The following CBFB variants were observed in gnomAD, a reference collection of about 807,000 sequenced individuals.
CBFB encodes core-binding factor subunit beta.
In CBFB, 9 loss-of-function variants were observed where a neutral mutation model predicts 30.4. The ratio of observed to expected loss-of-function variants is 0.30; its 90% CI spans 0.18 to 0.52. The LOEUF (loss-of-function observed/expected upper bound fraction) is 0.52, where lower values mean the gene tolerates loss of function less well. CBFB is among the 20% of genes least tolerant of loss of function. The probability of loss-of-function intolerance (pLI) is 0.97; values close to 1 mark genes in which losing one functional copy is unlikely to be tolerated. For missense variants in CBFB, 170 were observed against 244.0 expected, an observed-to-expected ratio of 0.70 and a Z score of 2.02; for synonymous variants, 94 against 84.0, an observed-to-expected ratio of 1.12 and a Z score of -0.65.
At chr16:67,071,938 C>G (rs918118790) in intron 4 of CBFB, among the ~76,000 whole-genome samples, 2 of 152,276 alleles carry the variant, frequency 1.3e-5, no homozygotes, top group East Asian at 3.9e-4. Flanking sequence ...CCATCTCTAG[C>G]GAGTGAGCCG....
intron 3 of CBFB, among the ~76,000 whole-genome samples, chr16:67,054,160 T>G (rs1960645564): frequency 6.6e-6 from 1 of 152,070 alleles, no homozygotes; most frequent in Admixed American, 6.6e-5. Flanking sequence ...TCTTTTTCAG[T>G]TTTTCTGTCT....
chr16:67,050,201 G>A (rs981082672), intron 3 of CBFB, among the ~76,000 whole-genome samples: 1 of 146,258 alleles, frequency 6.8e-6, no homozygotes, highest in Non-Finnish European at 1.5e-5. Flanking sequence ...TATAATATAT[G>A]TTATATATAT....
chr16:67,034,076 T>C (rs1455326627), intron 2 of CBFB, among the ~76,000 whole-genome samples: 1 of 152,132 alleles, frequency 6.6e-6, no homozygotes, highest in Non-Finnish European at 1.5e-5. Flanking sequence ...GATCTGCCTG[T>C]GTTGGCCTCC....
chr16:67,031,615 A>AT (rs765396435), intron 2 of CBFB, among the ~76,000 whole-genome samples: 2 of 152,176 alleles, frequency 1.3e-5, no homozygotes, highest in Non-Finnish European at 2.9e-5. Context: ...GGTTAAAGCG[A>AT]TTCTCCTGCC....
At chr16:67,096,200 T>C (rs1962041089) in intron 5 of CBFB, among the ~76,000 whole-genome samples, 1 of 151,832 alleles carries the variant, frequency 6.6e-6, no homozygotes, top group African/African-American at 2.4e-5. Flanking sequence ...TTCTCCCAGC[T>C]GCTTGGGAGG....
At chr16:67,047,047 C>T (rs752329367) in intron 3 of CBFB, among the ~76,000 whole-genome samples, 1 of 151,924 alleles carries the variant, frequency 6.6e-6, no homozygotes, top group Non-Finnish European at 1.5e-5. Flanking sequence ...CGCAGTAGCT[C>T]ATACCTGTAA....
chr16:67,054,534 A>G (rs1415067977), intron 3 of CBFB, among the ~76,000 whole-genome samples: 1 of 151,966 alleles, frequency 6.6e-6, no homozygotes, highest in African/African-American at 2.4e-5. Context: ...TCGTAAGGAA[A>G]TTTTCTTATA....
intron 3 of CBFB, among the ~76,000 whole-genome samples, chr16:67,056,701 A>G (rs967361846): frequency 5.1e-4 from 70 of 138,508 alleles, no homozygotes; most frequent in Admixed American, 1.3e-3. Flanking sequence ...TTTTTTTTTT[A>G]AGACAGAGTC....
intron 4 of CBFB, among the ~76,000 whole-genome samples, chr16:67,067,369 T>C (rs1961090543): frequency 6.6e-6 from 1 of 151,886 alleles, no homozygotes; most frequent in South Asian, 2.1e-4. Context: ...AATATAAAAA[T>C]TAGCCAGGCA....
chr16:67,085,869 G>A (rs941703614), intron 5 of CBFB, among the ~76,000 whole-genome samples: 7 of 151,668 alleles, frequency 4.6e-5, no homozygotes, highest in African/African-American at 7.3e-5. Context: ...TAGTAGAGAC[G>A]GGGTTTCACC....
At chr16:67,089,258 A>G (rs997770160) in intron 5 of CBFB, among the ~76,000 whole-genome samples, 3 of 152,082 alleles carry the variant, frequency 2.0e-5, no homozygotes, top group African/African-American at 7.2e-5. Flanking sequence ...ACTGTGTATA[A>G]TATCTTACTC....
rs534644060 is a variant in CBFB at position 67,036,412 on chromosome 16, A to G, written c.166-227A>G. On this transcript the variant is annotated intron_variant, in intron 2 of 5. Transcript: ENST00000412916. Reference sequence around the variant, plus strand: ...TGACCTGAAAGAAAGTATTGATTCCATGTCTGATTTTATACTTAAGCAGCC... The same window carrying G: ...TGACCTGAAAGAAAGTATTGATTCCGTGTCTGATTTTATACTTAAGCAGCC... 44 of 464,624 alleles carry G rather than the reference A, an allele frequency of 9.5e-5. 1 individual carries two copies. The highest frequency in any genetic ancestry group is 1.4e-4 in the Non-Finnish European group (37 of 259,920). 28.8% of individuals were successfully genotyped at this position (464,624 alleles called of 1,614,324 possible).
chr16:67,044,225 C>A (rs1036113495), intron 3 of CBFB, among the ~76,000 whole-genome samples: 6 of 152,110 alleles, frequency 3.9e-5, no homozygotes, highest in Non-Finnish European at 1.5e-5. Context: ...GATGTACTTA[C>A]TTTGCGATCC....
rs144661263 is a variant in CBFB at position 67,066,656 on chromosome 16, T to A, written c.283-26T>A. The A allele has an allele frequency of 3.9e-5, 49 of 1,258,986 alleles. No individual in the cohort carries two copies. In the East Asian group the frequency reaches 1.1e-3, roughly 29 times the overall value. 78.0% of individuals were successfully genotyped at this position (1,258,986 alleles called of 1,614,324 possible). On this transcript the variant is annotated intron_variant, in intron 3 of 5. Transcript: ENST00000412916. The stretch of plus-strand genomic sequence containing the variant: ...TTTCATGTGTCTGATGGTTTTCAAT[T>A]ATTTTCATCCTTTTCTGTGTCTTAG...
chr16:67,082,593 C>CT (rs796567817), intron 5 of CBFB, among the ~76,000 whole-genome samples: 1 of 152,014 alleles, frequency 6.6e-6, no homozygotes, highest in Non-Finnish European at 1.5e-5. Context: ...AATCTCACCT[C>CT]TTTTTTTCTT....
chr16:67,055,357 C>CTTTCTTTTTTTTTTTT (rs1484285498), intron 3 of CBFB, among the ~76,000 whole-genome samples: 16 of 81,466 alleles, frequency 2.0e-4, no homozygotes, highest in African/African-American at 8.7e-4. Context: ...CAGACACTTT[C>CTTTCTTTTTTTTTTTT]TTTTTTTTTT....
At chr16:67,031,796 A>G (rs539889299) in intron 2 of CBFB, among the ~76,000 whole-genome samples, 2 of 150,634 alleles carry the variant, frequency 1.3e-5, no homozygotes, top group East Asian at 3.9e-4. Context: ...TACAGGTGTG[A>G]GCCACCGCGT....
Position 67,050,988 on chromosome 16 carries a change from G to T in CBFB, c.282+14233G>T, listed in dbSNP as rs117753612. Among the ~76,000 whole-genome samples the T allele has an allele frequency of 1.8e-3, 268 of 152,270 alleles. 2 individuals carry two copies. The highest frequency in any genetic ancestry group is 2.9e-3 in the Non-Finnish European group (198 of 68,040). On this transcript the variant is annotated intron_variant, in intron 3 of 5. Coordinates refer to ENST00000412916, the MANE Select transcript of CBFB (RefSeq NM_022845.3). ...TGATTCACCTCTCTGGAGAGAAGGA[G>T]TGCAATTTAAAACTTATGAATTGTT...
chr16:67,032,506 TTCTC>T (rs1193218108), intron 2 of CBFB, among the ~76,000 whole-genome samples: 1 of 152,356 alleles, frequency 6.6e-6, no homozygotes, highest in East Asian at 1.9e-4. Context: ...TTTCCTAGTT[TTCTC>T]TCTTTCTAGT....
Sources: allele counts gnomAD v4.1 joint callset (sites outside exome capture counted in the v4.1 genomes callset), GRCh38; gene constraint gnomAD v4.1.1; transcripts MANE v1.5; gene names NCBI Gene and HGNC (gene_info 2026-07-23, HGNC 2026-07-21).